Variants in SPEN observed in about 807,000 individuals in gnomAD.
SPEN encodes msx2-interacting protein.
A neutral mutation model predicts 269.9 loss-of-function variants in SPEN; 18 were observed. That is an observed-to-expected ratio of 0.07 (90% CI 0.05 to 0.10). The LOEUF (loss-of-function observed/expected upper bound fraction) is 0.10, where lower values mean the gene tolerates loss of function less well. SPEN is among the 10% of genes least tolerant of loss of function. The pLI, the probability that SPEN is intolerant of heterozygous loss-of-function variation, is 1.00. For synonymous variants in SPEN, 1,726 were observed against 1,765.7 expected (o/e 0.98, Z 0.56); for missense variants, 3,822 against 4,631.2 (o/e 0.83, Z 5.07).
At chr1:15,911,036 A>G (rs1242167136) in intron 4 of SPEN, 65 bp from the exon 5 acceptor site, 9 of 1,306,586 alleles carry the variant, frequency 6.9e-6, no homozygotes, top group Non-Finnish European at 9.6e-6. Flanking sequence ...AAGATTTAGT[A>G]GGTTGCTTAT....
At chr1:15,922,789 A>G (rs2071131908) in intron 10 of SPEN, among the ~76,000 whole-genome samples, 3 of 152,012 alleles carry the variant, frequency 2.0e-5, no homozygotes, top group Non-Finnish European at 2.9e-5. Flanking sequence ...CGCTGGAGTA[A>G]TTTTTGTAAA....
rs2071231709 is a variant in SPEN, at chr1:15,932,454, A to G, written c.6214A>G (p.Asn2072Asp). The G allele has an allele frequency of 6.2e-7, 1 of 1,612,974 alleles. No individual in the cohort carries two copies. The highest frequency in any genetic ancestry group is 2.2e-5 in the East Asian group (1 of 44,858). The change falls in exon 11 of 15, where the codon AAC becomes GAC. Residue 2072 changes from asparagine to aspartate, a missense_variant. Asn to Asp is a conservative substitution (Grantham distance 23, BLOSUM62 1). Transcript: ENST00000375759. The surrounding 1 kb of genome is among the most constrained non-coding windows in gnomAD (Gnocchi z 4.2). Reference protein sequence around the residue: ...VVEKKPAPEKNSKSKRGRSRN... With the variant: ...VVEKKPAPEKDSKSKRGRSRN... The stretch of plus-strand genomic sequence containing the variant: ...AGAGAAAAAACCGGCCCCTGAAAAA[A>G]ACTCCAAATCAAAGAGAGGAAGATC...
chr1:15,936,456 C>T (rs1161752253), intron 11 of SPEN, among the ~76,000 whole-genome samples, 190 bp downstream of exon 11: 1 of 150,948 alleles, frequency 6.6e-6, no homozygotes, highest in East Asian at 1.9e-4. Context: ...GCCTGGGCAA[C>T]ATGGCAAAAC....
At chr1:15,897,196 C>CT (rs1217835867) in intron 3 of SPEN, among the ~76,000 whole-genome samples, 7 of 151,064 alleles carry the variant, frequency 4.6e-5, no homozygotes, top group Admixed American at 1.3e-4. Context: ...ATAATAAAAA[C>CT]TTTGTTTTTT....
At chr1:15,864,772 C>G (rs967029890) in intron 1 of SPEN, among the ~76,000 whole-genome samples, 3 of 151,138 alleles carry the variant, frequency 2.0e-5, no homozygotes, top group Non-Finnish European at 4.4e-5. Flanking sequence ...TACCGAGTAG[C>G]TAGGACTCAA....
chr1:15,860,070 C>G (rs935990786), intron 1 of SPEN, among the ~76,000 whole-genome samples: 3 of 151,482 alleles, frequency 2.0e-5, no homozygotes, highest in African/African-American at 7.3e-5. Flanking sequence ...CGCCACCACA[C>G]CCGGCTAATT....
At position 15,928,508 on chromosome 1, in the gene SPEN, C is replaced by T. The variant is rs1273239294; in HGVS notation, c.2268C>T (p.Tyr756=). The T allele has an allele frequency of 1.9e-6, 3 of 1,614,014 alleles. No homozygotes were observed. The highest frequency in any genetic ancestry group is 2.2e-5 in the South Asian group (2 of 91,074). Residue 756 remains tyrosine, a synonymous_variant, in exon 11 of 15, where the codon TAC becomes TAT. Coordinates refer to ENST00000375759, the MANE Select transcript of SPEN (RefSeq NM_015001.3). This position sits in a 1 kb window ranked among gnomAD's most constrained non-coding sequence, Gnocchi z 5.7. ...RLPSDSERRL[Y]SRSSDRSGSC... ...CGAGTGATTCTGAGAGGAGGCTTTA[C>T]AGCCGATCCTCAGACCGGAGTGGAA...
chr1:15,857,342 G>A (rs1347746370), intron 1 of SPEN, among the ~76,000 whole-genome samples: 2 of 151,970 alleles, frequency 1.3e-5, no homozygotes, highest in African/African-American at 4.8e-5. Context: ...TGGGATTACA[G>A]GTGTGAGCCA....
intron 3 of SPEN, among the ~76,000 whole-genome samples, chr1:15,880,157 CCTT>C (rs1165929686): frequency 6.6e-6 from 1 of 152,120 alleles, no homozygotes; most frequent in Non-Finnish European, 1.5e-5. Context: ...GTTGAAGGCA[CCTT>C]CTTACCGTGG....
At chr1:15,853,587 G>C (rs2070357139) in intron 1 of SPEN, among the ~76,000 whole-genome samples, 1 of 151,654 alleles carries the variant, frequency 6.6e-6, no homozygotes. Flanking sequence ...TCCTCCTCCT[G>C]GGTTCAAGCG....
intron 1 of SPEN, among the ~76,000 whole-genome samples, chr1:15,863,617 GA>G (rs1289342962): frequency 6.6e-6 from 1 of 152,158 alleles, no homozygotes; most frequent in Non-Finnish European, 1.5e-5. Context: ...GAGACTAGAG[GA>G]CTGCTTGAGT....
chr1:15,901,591 A>G lies in SPEN; in HGVS notation c.882-7730A>G, dbSNP rs962315868. Among the ~76,000 whole-genome samples, 5 of 146,470 alleles carry G rather than the reference A, an allele frequency of 3.4e-5. No individual in the cohort carries two copies. The East Asian group carries it at 8.7e-4, about 26-fold the overall frequency. ...TTTGAACCTGGGGATCGGAAGTTGC[A>G]GTGAGCCGAGATCACGCCACTGCAC... On this transcript the variant is annotated intron_variant, in intron 3 of 14. Transcript: ENST00000375759.
intron 3 of SPEN, among the ~76,000 whole-genome samples, chr1:15,886,550 G>C (rs1410755437): frequency 6.6e-6 from 1 of 152,212 alleles, no homozygotes; most frequent in African/African-American, 2.4e-5. Flanking sequence ...CTGTGCCTTA[G>C]TGTTCCTGGA....
chr1:15,870,028 C>G (rs1030290416), intron 1 of SPEN, among the ~76,000 whole-genome samples: 3 of 152,022 alleles, frequency 2.0e-5, no homozygotes, highest in Admixed American at 2.0e-4. Flanking sequence ...ACCACCATGC[C>G]TGGCTAATTT....
chr1:15,876,352 T>G lies in SPEN; in HGVS notation c.555T>G (p.Ala185=). Residue 185 remains alanine, a synonymous_variant, in exon 3 of 15, where the codon GCT becomes GCG. Coordinates refer to ENST00000375759, the MANE Select transcript of SPEN (RefSeq NM_015001.3). Reference sequence around the variant, plus strand: ...CTTTACAACATGGGCTCTATTACGCTTCTCGGAGTCGAAGTCCAAATCGCT... The same window carrying G: ...CTTTACAACATGGGCTCTATTACGCGTCTCGGAGTCGAAGTCCAAATCGCT... ...ERTLQHGLYY[A]SRSRSPNRFD... The G allele has an allele frequency of 6.2e-7, 1 of 1,613,928 alleles. No homozygotes were observed. The highest frequency in any genetic ancestry group is 8.5e-7 in the Non-Finnish European group (1 of 1,179,986).
At chr1:15,926,934 C>T (rs1038780748) in intron 10 of SPEN, among the ~76,000 whole-genome samples, 3 of 152,034 alleles carry the variant, frequency 2.0e-5, no homozygotes, top group Non-Finnish European at 2.9e-5. Flanking sequence ...CCTCGTGATC[C>T]GCCTGCCTTG....
chr1:15,866,790 T>C (rs1489591946), intron 1 of SPEN, among the ~76,000 whole-genome samples: 1 of 152,198 alleles, frequency 6.6e-6, no homozygotes, highest in African/African-American at 2.4e-5. Flanking sequence ...CACCTCATCA[T>C]ATATAACGTT....
chr1:15,908,371 A>G (rs2070980350), intron 3 of SPEN, among the ~76,000 whole-genome samples: 1 of 151,436 alleles, frequency 6.6e-6, no homozygotes, highest in Non-Finnish European at 1.5e-5. Flanking sequence ...GCCCTGTTTT[A>G]TTTATTGGAT....
At chr1:15,876,810 G>A in intron 3 of SPEN, 132 bp downstream of exon 3, 1 of 750,896 alleles carries the variant, frequency 1.3e-6, no homozygotes, top group Non-Finnish European at 2.2e-6. Flanking sequence ...AATCAGTAAA[G>A]AAACTGGCAT....
Sources: gnomAD v4.1 joint callset for allele counts (sites outside exome capture counted in the v4.1 genomes callset) on GRCh38, gnomAD v4.1.1 for gene constraint, Gnocchi (gnomAD v3.1) non-coding constraint, MANE v1.5 for transcripts, NCBI Gene and HGNC (gene_info 2026-07-23, HGNC 2026-07-21) for gene names.